The following STUM variants were observed in gnomAD, a reference collection of about 807,000 sequenced individuals.
STUM encodes stum, mechanosensory transduction mediator homolog, also known as protein stum homolog.
STUM carries 8 observed loss-of-function variants against 15.3 expected under a neutral mutation model. The observed-to-expected ratio is 0.52, with a 90% CI of 0.31 to 0.94. The LOEUF is 0.94. Among genes scored for constraint, STUM ranks in the 40% least tolerant of loss-of-function variants. The probability of loss-of-function intolerance (pLI) is 0.05; values close to 1 mark genes in which losing one functional copy is unlikely to be tolerated. For synonymous variants in STUM, 78 were observed against 88.7 expected (o/e 0.88, Z 0.68); for missense variants, 142 against 204.9 (o/e 0.69, Z 1.87).
At chr1:226,562,798 A>C (rs913809984) in intron 1 of STUM, among the ~76,000 whole-genome samples, 1 of 152,248 alleles carries the variant, frequency 6.6e-6, no homozygotes, top group Non-Finnish European at 1.5e-5. Flanking sequence ...TACTGGAAGA[A>C]AAGAGAATCA....
At chr1:226,601,595 C>G (rs569585149) in intron 3 of STUM, among the ~76,000 whole-genome samples, 49 of 152,294 alleles carry the variant, frequency 3.2e-4, no homozygotes, top group Admixed American at 5.9e-4. Flanking sequence ...TGTATGCCAT[C>G]TTCCTCCTTT....
At chr1:226,568,171 G>A (rs933456735) in intron 1 of STUM, among the ~76,000 whole-genome samples, 2 of 152,228 alleles carry the variant, frequency 1.3e-5, no homozygotes, top group Non-Finnish European at 2.9e-5. Context: ...TGTCCATTCT[G>A]CAGGCTCTGG....
intron 1 of STUM, among the ~76,000 whole-genome samples, chr1:226,578,223 T>C (rs1667852876): frequency 2.0e-5 from 3 of 152,122 alleles, no homozygotes; most frequent in African/African-American, 7.2e-5. Flanking sequence ...TTCAATTTTT[T>C]CTTTATTTTT....
At position 226,556,556 on chromosome 1, in the gene STUM, G is replaced by A. The variant is rs189632035; in HGVS notation, c.202+7450G>A. Among the ~76,000 whole-genome samples the A allele has an allele frequency of 9.2e-5, 14 of 152,278 alleles. No homozygotes were observed. In the South Asian group the frequency reaches 1.0e-3, roughly 11 times the overall value. ...ACCTGGATGGTCTAAATTAAGTGCC[G>A]TTTCGAGTTCAACATTAGGTTCATG... On this transcript the variant is annotated intron_variant, in intron 1 of 3. Transcript: ENST00000366788.
Position 226,607,041 on chromosome 1 carries a change from T to G in STUM, c.*5001T>G. ...CACTCTTCAAGGACTGCACTGCCCC[T>G]TCTCCCTCCTGAGAGCTCTGTGCAC... On this transcript the variant is annotated 3_prime_UTR_variant, in exon 4 of 4. Coordinates refer to ENST00000366788, the MANE Select transcript of STUM (RefSeq NM_001003665.4). 6.6e-6 allele frequency: 1 copy of G among 152,556 alleles called. No individual in the cohort carries two copies. Among genetic ancestry groups the G allele is most frequent in the Non-Finnish European group, 1.5e-5 (1 of 68,180 alleles). The allele number at this position is 152,556 out of a possible 1,614,324, so 9.5% of individuals were successfully genotyped here.
At position 226,578,434 on chromosome 1, in the gene STUM, A is replaced by G. The variant is rs990605513; in HGVS notation, c.203-18368A>G. Reference sequence around the variant, plus strand: ...GGCTGGAGTGCAGTGACGCAATCACAGGTCACTTGCAGCCTCGACTGTCTG... The same window carrying G: ...GGCTGGAGTGCAGTGACGCAATCACGGGTCACTTGCAGCCTCGACTGTCTG... On this transcript the variant is annotated intron_variant, in intron 1 of 3. Transcript: ENST00000366788. 8.3e-5 allele frequency among the ~76,000 whole-genome samples: 12 copies of G among 144,614 alleles called. 1 individual carries two copies. Among genetic ancestry groups the G allele is most frequent in the African/African-American group, 3.1e-4 (12 of 38,582 alleles). The allele number at this position is 144,614 out of a possible 152,430, so 94.9% of individuals were successfully genotyped here. A position where few individuals can be genotyped will look rare whatever the true frequency, so the allele number is the denominator to read the frequency against.
chr1:226,607,455 T>A lies in STUM; in HGVS notation c.*5415T>A, dbSNP rs1668380997. 6.6e-6 allele frequency: 1 copy of A among 152,226 alleles called. No individual in the cohort carries two copies. The highest frequency in any genetic ancestry group is 1.5e-5 in the Non-Finnish European group (1 of 68,056). 9.4% of individuals were successfully genotyped at this position (152,226 alleles called of 1,614,324 possible). A position where few individuals can be genotyped will look rare whatever the true frequency, so the allele number is the denominator to read the frequency against. ...CGCCTCAGTTTAACCATCTATAGGT[T>A]AGGAACAAAGAAGGGCTTAGGCAGC... On this transcript the variant is annotated 3_prime_UTR_variant, in exon 4 of 4. Coordinates refer to ENST00000366788, the MANE Select transcript of STUM (RefSeq NM_001003665.4).
At chr1:226,591,416 C>T (rs1260147584) in intron 1 of STUM, among the ~76,000 whole-genome samples, 1 of 152,266 alleles carries the variant, frequency 6.6e-6, no homozygotes, top group Non-Finnish European at 1.5e-5. Flanking sequence ...AAAAATCCCT[C>T]TGACACCACA....
chr1:226,597,538 G>C, intron 2 of STUM: 1 of 458,590 alleles, frequency 2.2e-6, no homozygotes, highest in Admixed American at 2.4e-5. Context: ...AGCTGGGATC[G>C]TCAGTGTCAG....
At chr1:226,558,074 A>G (rs1412788706) in intron 1 of STUM, among the ~76,000 whole-genome samples, 1 of 152,240 alleles carries the variant, frequency 6.6e-6, no homozygotes, top group Non-Finnish European at 1.5e-5. Flanking sequence ...AAGATCTGGA[A>G]CAGGACAAGG....
intron 1 of STUM, among the ~76,000 whole-genome samples, chr1:226,575,877 C>G (rs1405420187): frequency 6.6e-6 from 1 of 152,204 alleles, no homozygotes; most frequent in Non-Finnish European, 1.5e-5. Flanking sequence ...GACTTTCTCC[C>G]CAGAGCCTGC....
At chr1:226,596,665 G>A (rs1668184672) in intron 1 of STUM, 137 bp from the exon 2 acceptor site, 2 of 752,932 alleles carry the variant, frequency 2.7e-6, no homozygotes, top group African/African-American at 1.8e-5. Context: ...GCCACTCAGA[G>A]GACAGGGTGC....
chr1:226,559,498 A>G (rs1000215311), intron 1 of STUM, among the ~76,000 whole-genome samples: 1 of 152,174 alleles, frequency 6.6e-6, no homozygotes, highest in Non-Finnish European at 1.5e-5. Flanking sequence ...TTAACTGAAC[A>G]CACCGCTGTT....
intron 1 of STUM, among the ~76,000 whole-genome samples, chr1:226,589,966 T>A (rs1184927081): frequency 2.0e-5 from 3 of 152,110 alleles, no homozygotes; most frequent in Non-Finnish European, 4.4e-5. Context: ...AAACAAGCAA[T>A]TCCTAGATCC....
intron 1 of STUM, among the ~76,000 whole-genome samples, chr1:226,555,397 CA>C (rs1256811601): frequency 1.3e-5 from 2 of 152,234 alleles, no homozygotes; most frequent in Non-Finnish European, 2.9e-5. Flanking sequence ...CATCCAAAAC[CA>C]AACTCCTGGT....
At chr1:226,568,869 A>G (rs916715103) in intron 1 of STUM, among the ~76,000 whole-genome samples, 3 of 152,122 alleles carry the variant, frequency 2.0e-5, no homozygotes, top group Non-Finnish European at 4.4e-5. Context: ...CTTATTCTCT[A>G]GAAGTAAGGA....
chr1:226,578,738 C>T (rs1299325097), intron 1 of STUM, among the ~76,000 whole-genome samples: 1 of 152,158 alleles, frequency 6.6e-6, no homozygotes, highest in African/African-American at 2.4e-5. Flanking sequence ...AGCCCACAGC[C>T]ACCCCTGCAG....
intron 1 of STUM, among the ~76,000 whole-genome samples, chr1:226,555,664 C>T (rs1463561101): frequency 3.3e-5 from 5 of 152,228 alleles, no homozygotes; most frequent in Non-Finnish European, 7.3e-5. Context: ...CTTGTCCGTA[C>T]TCATGTCCCT....
At chr1:226,576,093 C>T (rs943359847) in intron 1 of STUM, among the ~76,000 whole-genome samples, 1 of 152,276 alleles carries the variant, frequency 6.6e-6, no homozygotes, top group African/African-American at 2.4e-5. Context: ...GTGATTCTCT[C>T]CTTGGCTCAG....
Sources: gnomAD v4.1 joint callset for allele counts (sites outside exome capture counted in the v4.1 genomes callset) on GRCh38, gnomAD v4.1.1 for gene constraint, MANE v1.5 for transcripts, NCBI Gene and HGNC (gene_info 2026-07-23, HGNC 2026-07-21) for gene names.